The following PLEKHH2 variants were observed in gnomAD, a reference collection of about 807,000 sequenced individuals.
PLEKHH2 encodes pleckstrin homology, MyTH4 and FERM domain containing H2, also known as pleckstrin homology domain-containing family H member 2.
A neutral mutation model predicts 187.9 loss-of-function variants in PLEKHH2; 129 were observed. That is an observed-to-expected ratio of 0.69 (90% confidence interval 0.59 to 0.79). The LOEUF is 0.79. Ranked by LOEUF, PLEKHH2 falls within the 30% of genes least tolerant of loss-of-function variation. The pLI is 0.00. For missense variants in PLEKHH2, 2,076 were observed against 1,751.2 expected, an observed-to-expected ratio of 1.19 and a Z score of -3.31; for synonymous variants, 686 against 605.6, an observed-to-expected ratio of 1.13 and a Z score of -1.95.
At position 43,671,177 on chromosome 2, in the gene PLEKHH2, G is replaced by A. The variant is rs144877455; in HGVS notation, c.124-7686G>A. Among the ~76,000 whole-genome samples the A allele has an allele frequency of 6.9e-3, 1,051 of 151,782 alleles. 12 individuals are homozygous for A. Among genetic ancestry groups the A allele is most frequent in the African/African-American group, 0.024 (1,001 of 41,350 alleles). On this transcript the variant is annotated intron_variant, in intron 2 of 29. Transcript: ENST00000282406. ...ATTTTTTGTATTTTTAGTAGAGACC[G>A]GGTTTTACCATGTTGGCCAGGCTGG...
intron 8 of PLEKHH2, among the ~76,000 whole-genome samples, chr2:43,701,883 T>C (rs1298808436): frequency 6.6e-6 from 1 of 151,704 alleles, no homozygotes; most frequent in Non-Finnish European, 1.5e-5. Flanking sequence ...TTCTCCTGCC[T>C]TAGCCTCCCA....
In PLEKHH2 at chr2:43,700,485, T is replaced by C; in HGVS notation, c.1527T>C (p.Asp509=). The C allele has an allele frequency of 4.3e-6, 7 of 1,614,010 alleles. No homozygotes were observed. The highest frequency in any genetic ancestry group is 5.9e-6 in the Non-Finnish European group (7 of 1,179,994). Residue 509 remains aspartate (D), a synonymous_variant, in exon 8 of 30, where the codon GAT becomes GAC. Transcript: ENST00000282406. ...VLENMDTSCD[D]GLFSYDSLDS... ...AGAATATGGACACGAGTTGTGATGA[T>C]GGATTATTTTCCTATGACTCCTTGG...
chr2:43,658,969 C>CTT (rs1666927942), intron 2 of PLEKHH2: 1 of 124,032 alleles, frequency 8.1e-6, no homozygotes, highest in African/African-American at 3.2e-5. Flanking sequence ...ACTTTTTTTT[C>CTT]TTTCTTTTTT....
At chr2:43,707,073 G>A (rs1432269656) in intron 10 of PLEKHH2, among the ~76,000 whole-genome samples, 2 of 151,566 alleles carry the variant, frequency 1.3e-5, no homozygotes, top group Non-Finnish European at 2.9e-5. Context: ...GCAGGTGCCT[G>A]TAATCCCAGC....
At chr2:43,735,209 A>G (rs573061516) in intron 19 of PLEKHH2, among the ~76,000 whole-genome samples, 1 of 152,128 alleles carries the variant, frequency 6.6e-6, no homozygotes, top group Non-Finnish European at 1.5e-5. Flanking sequence ...AAAAAAATGT[A>G]GTATATATAC....
intron 20 of PLEKHH2, among the ~76,000 whole-genome samples, chr2:43,740,478 A>T (rs960338008): frequency 2.0e-5 from 3 of 152,060 alleles, no homozygotes; most frequent in Non-Finnish European, 2.9e-5. Flanking sequence ...CCTAAAGATA[A>T]CCTCTGTTAA....
intron 28 of PLEKHH2, among the ~76,000 whole-genome samples, chr2:43,763,493 C>T (rs1245296631): frequency 6.6e-6 from 1 of 151,876 alleles, no homozygotes; most frequent in Non-Finnish European, 1.5e-5. Context: ...GATCACTGCT[C>T]CCTGCATCCT....
chr2:43,750,432 C>G (rs1043277230), intron 24 of PLEKHH2, among the ~76,000 whole-genome samples: 4 of 151,540 alleles, frequency 2.6e-5, no homozygotes, highest in Non-Finnish European at 5.9e-5. Context: ...AATCGTGCCA[C>G]TGCATGCCAC....
At chr2:43,764,175 C>A in intron 28 of PLEKHH2, 53 bp from the exon 29 acceptor site, 2 of 1,078,144 alleles carry the variant, frequency 1.9e-6, no homozygotes, top group Non-Finnish European at 2.5e-6. Flanking sequence ...TATTTTCCAT[C>A]TCTCCTTGGA....
At chr2:43,706,277 A>G (rs752483577) in intron 9 of PLEKHH2, 45 bp from the exon 10 acceptor site, 51 of 1,336,684 alleles carry the variant, frequency 3.8e-5, no homozygotes, top group Non-Finnish European at 5.3e-5. Flanking sequence ...CCAATGTGCT[A>G]ATTAGAAGTT....
intron 3 of PLEKHH2, chr2:43,680,676 C>G (rs1450248378): frequency 8.0e-6 from 3 of 375,094 alleles, no homozygotes; most frequent in African/African-American, 6.5e-5. Flanking sequence ...GGCTTTCTGG[C>G]TGCTCAAAAT....
At chr2:43,641,640 G>C (rs1466507966) in intron 1 of PLEKHH2, among the ~76,000 whole-genome samples, 1 of 152,132 alleles carries the variant, frequency 6.6e-6, no homozygotes, top group African/African-American at 2.4e-5. Flanking sequence ...GTACCTGTAA[G>C]TTTGTGATCC....
At chr2:43,649,983 A>G (rs558907483) in intron 2 of PLEKHH2, among the ~76,000 whole-genome samples, 19 of 152,274 alleles carry the variant, frequency 1.2e-4, no homozygotes, top group African/African-American at 4.6e-4. Context: ...CTTGCTGCTA[A>G]GTTCACTTTG....
chr2:43,743,404 C>T (rs894927231), intron 22 of PLEKHH2, among the ~76,000 whole-genome samples: 14 of 152,278 alleles, frequency 9.2e-5, no homozygotes, highest in African/African-American at 3.1e-4. Flanking sequence ...TGCCTTTTAT[C>T]ACAGAATTCA....
chr2:43,704,662 T>TAA lies in PLEKHH2; in HGVS notation c.1726+629_1726+630dup, dbSNP rs70965318. On this transcript the variant is annotated intron_variant, in intron 9 of 29. Transcript: ENST00000282406. ...TGGGTGACAGAGCAAGATTCTGTCTTAAAAAAAAAAAAAAAAAAAAAAAAG... is the reference window on the plus strand; with the variant it reads ...TGGGTGACAGAGCAAGATTCTGTCTTAAAAAAAAAAAAAAAAAAAAAAAAAAG... Among the ~76,000 whole-genome samples, 629 of 84,260 alleles carry TAA rather than the reference T, an allele frequency of 7.5e-3. 15 individuals carry two copies. Among genetic ancestry groups the TAA allele is most frequent in the African/African-American group, 0.015 (331 of 21,812 alleles). 55.3% of individuals were successfully genotyped at this position (84,260 alleles called of 152,430 possible). A position where few individuals can be genotyped will look rare whatever the true frequency, so the allele number is the denominator to read the frequency against.
chr2:43,740,709 G>A (rs955680132), intron 20 of PLEKHH2: 3 of 477,656 alleles, frequency 6.3e-6, no homozygotes, highest in Non-Finnish European at 9.2e-6. Context: ...GTCTGCTTGT[G>A]CCTTGGTTCC....
At chr2:43,674,661 C>G (rs1667642524) in intron 2 of PLEKHH2, among the ~76,000 whole-genome samples, 1 of 152,194 alleles carries the variant, frequency 6.6e-6, no homozygotes, top group South Asian at 2.1e-4. Context: ...CTTCCAGAAT[C>G]TAGATCCCTG....
intron 1 of PLEKHH2, among the ~76,000 whole-genome samples, chr2:43,640,893 T>TCCTG: frequency 6.6e-6 from 1 of 151,604 alleles, no homozygotes; most frequent in African/African-American, 2.4e-5. Context: ...CAAGTGATCT[T>TCCTG]CCTGCCTCAA....
At chr2:43,680,818 C>G (rs1668136658) in intron 3 of PLEKHH2, 3 of 431,548 alleles carry the variant, frequency 7.0e-6, no homozygotes, top group South Asian at 5.3e-5. Context: ...TTATATCTTT[C>G]TTGATTGTAT....
Sources: gnomAD v4.1 joint callset for allele counts (sites outside exome capture counted in the v4.1 genomes callset) on GRCh38, gnomAD v4.1.1 for gene constraint, MANE v1.5 for transcripts, NCBI Gene and HGNC (gene_info 2026-07-23, HGNC 2026-07-21) for gene names.